Variants in NIN observed in about 807,000 individuals in gnomAD.
NIN encodes glycogen synthase kinase 3 beta-interacting protein.
A neutral mutation model predicts 257.6 loss-of-function variants in NIN; 137 were observed. The ratio of observed to expected loss-of-function variants is 0.53; its 90% confidence interval spans 0.46 to 0.61. The LOEUF (loss-of-function observed/expected upper bound fraction) is 0.61. NIN is among the 20% of genes least tolerant of loss of function. NIN has a pLI of 0.00. For synonymous variants in NIN, 918 were observed against 919.8 expected (o/e 1.00, Z 0.04); for missense variants, 2,439 against 2,501.2 (o/e 0.98, Z 0.53).
chr14:50,739,965 C>CT (rs1287870175), intron 25 of NIN, among the ~76,000 whole-genome samples: 1 of 152,164 alleles, frequency 6.6e-6, no homozygotes, highest in Non-Finnish European at 1.5e-5. Flanking sequence ...CAATCATATC[C>CT]TTTTTTTAGA....
At chr14:50,808,328 C>T (rs934511237) in intron 3 of NIN, among the ~76,000 whole-genome samples, 1 of 152,232 alleles carries the variant, frequency 6.6e-6, no homozygotes, top group Non-Finnish European at 1.5e-5. Flanking sequence ...TCCCAACCAG[C>T]CAGTTCACAA....
chr14:50,794,761 TA>T (rs900112232), intron 4 of NIN, among the ~76,000 whole-genome samples: 23,337 of 124,992 alleles, frequency 0.19, 2,036 homozygotes, highest in African/African-American at 0.26. Flanking sequence ...ATTCAGAGGT[TA>T]AAAAAAAAAA....
In NIN at chr14:50,756,930, T is replaced by C. The variant is rs1290404312; in HGVS notation, c.4100A>G (p.Asn1367Ser). Residue 1367 changes from asparagine to serine, a missense_variant, in exon 18 of 31, where the codon AAT becomes AGT. By Grantham distance (46) the Asn-to-Ser change is conservative (BLOSUM62 1). Coordinates refer to ENST00000530997, the MANE Select transcript of NIN (RefSeq NM_020921.4). ...IEPDGNILQL[N>S]QTLEECVPRV... ...GGGCACACACTCTTCCAGTGTCTGA[T>C]TGAGCTGGAGTATATTTCCATCAGG... The C allele has an allele frequency of 4.4e-6, 7 of 1,574,890 alleles. No individual in the cohort carries two copies. The highest frequency in any genetic ancestry group is 1.7e-4 in the Middle Eastern group (1 of 6,014).
intron 2 of NIN, 31 bp from the exon 3 acceptor site, chr14:50,822,108 G>A (rs751292956): frequency 6.6e-7 from 1 of 1,525,072 alleles, no homozygotes; most frequent in East Asian, 2.3e-5. Context: ...AGGACAGGTT[G>A]TGGCAGCCTC....
intron 3 of NIN, 60 bp from the exon 4 acceptor site, chr14:50,806,878 T>C: frequency 1.3e-6 from 1 of 797,010 alleles, no homozygotes; most frequent in Non-Finnish European, 2.0e-6. Context: ...TGCAAACCTA[T>C]CTACAAGGTA....
rs1002694444 is a variant in NIN, at chr14:50,745,044, A to ATCT, written c.5065-680_5065-679insAGA. Among the ~76,000 whole-genome samples the ATCT allele has an allele frequency of 1.1e-4, 16 of 152,296 alleles. No individual in the cohort carries two copies. The South Asian group carries it at 2.7e-3, about 26-fold the overall frequency. ...TGTTCCCTGTACTCTTCCTTTCAGA[A>ATCT]GGTGCCTACGCTGACTGGCCAGTAA... On this transcript the variant is annotated intron_variant, in intron 22 of 30. Coordinates refer to ENST00000530997, the MANE Select transcript of NIN (RefSeq NM_020921.4).
At position 50,750,111 on chromosome 14, in the gene NIN, T is replaced by C. The variant is rs1360426181; in HGVS notation, c.4951-2006A>G. On this transcript the variant is annotated intron_variant, in intron 21 of 30. Transcript: ENST00000530997. ...CATCAGGACACAGGCCCTTTTGACA[T>C]GTCCTTTTTTTTTAAAACATCTTTT... is the stretch of plus-strand genomic sequence containing the variant. 2.0e-5 allele frequency among the ~76,000 whole-genome samples: 3 copies of C among 152,096 alleles called. No individual in the cohort carries two copies. The East Asian group carries it at 5.8e-4, about 29-fold the overall frequency.
chr14:50,776,832 G>T, intron 7 of NIN, 117 bp downstream of exon 7: 1 of 949,092 alleles, frequency 1.1e-6, no homozygotes. Flanking sequence ...GACTTCTTAG[G>T]AAAAAAGAAA....
intron 18 of NIN, among the ~76,000 whole-genome samples, chr14:50,755,369 A>C (rs1054953405): frequency 6.6e-6 from 1 of 152,042 alleles, no homozygotes; most frequent in Non-Finnish European, 1.5e-5. Flanking sequence ...TTATATTCTG[A>C]TTTTTAGGAC....
chr14:50,740,095 G>C (rs982645494), intron 25 of NIN, among the ~76,000 whole-genome samples: 4 of 147,768 alleles, frequency 2.7e-5, no homozygotes, highest in Admixed American at 6.8e-5. Context: ...AACACAAATA[G>C]ATAAGCCTCT....
At chr14:50,818,116 G>A (rs1465814123) in intron 3 of NIN, among the ~76,000 whole-genome samples, 1 of 151,792 alleles carries the variant, frequency 6.6e-6, no homozygotes, top group African/African-American at 2.4e-5. Context: ...GAGGTCAGGA[G>A]ATCGAGACCA....
At chr14:50,770,633 G>C in intron 11 of NIN, 71 bp from the exon 12 acceptor site, 1 of 1,546,510 alleles carries the variant, frequency 6.5e-7, no homozygotes, top group Non-Finnish European at 8.8e-7. Context: ...TACCAAAAAT[G>C]GAAACACAGA....
At position 50,739,303 on chromosome 14, in the gene NIN, A is replaced by G. The variant is rs3015485; in HGVS notation, c.5628+5T>C. The G allele has an allele frequency of 1, 1,610,944 of 1,613,168 alleles. 804,394 individuals carry two copies. Among genetic ancestry groups the G allele is most frequent in the East Asian group, 1 (44,874 of 44,874 alleles). ...TATGCCATGATGTGCAGCTTCTCCA[A>G]TTACCTTCTCCCGGGAGTGCGTGAG... On this transcript the variant is annotated splice_donor_5th_base_variant and intron_variant, in intron 26 of 30. Coordinates refer to ENST00000530997, the MANE Select transcript of NIN (RefSeq NM_020921.4).
At chr14:50,736,965 A>G (rs1159306158) in intron 27 of NIN, among the ~76,000 whole-genome samples, 1 of 152,198 alleles carries the variant, frequency 6.6e-6, no homozygotes, top group Non-Finnish European at 1.5e-5. Flanking sequence ...AAATTACAGA[A>G]AGCAAACTGA....
chr14:50,760,533 G>A (rs1392770134), intron 16 of NIN, among the ~76,000 whole-genome samples, 174 bp from the exon 17 acceptor site: 3 of 147,158 alleles, frequency 2.0e-5, no homozygotes, highest in African/African-American at 7.5e-5. Flanking sequence ...AGATACTTAA[G>A]TCAGGCATGG....
intron 17 of NIN, among the ~76,000 whole-genome samples, chr14:50,759,619 G>A (rs1049637098): frequency 6.6e-5 from 10 of 151,992 alleles, no homozygotes; most frequent in African/African-American, 1.7e-4. Context: ...TCAGCCTCCA[G>A]AGTAGCTGGG....
chr14:50,744,166 T>G, intron 23 of NIN, 77 bp downstream of exon 23: 1 of 1,508,560 alleles, frequency 6.6e-7, no homozygotes, highest in South Asian at 1.2e-5. Context: ...GAGGCCCCTG[T>G]GCCACTGTCC....
chr14:50,728,217 G>A lies in NIN; in HGVS notation c.6078+1306C>T, dbSNP rs77129850. Among the ~76,000 whole-genome samples the A allele has an allele frequency of 8.0e-3, 1,216 of 152,140 alleles. 18 individuals carry two copies. The highest frequency in any genetic ancestry group is 0.027 in the African/African-American group (1,129 of 41,486). ...ATCTTGGCGGATCATTTGGTTAGAAGGTCCACTAAAAACTGAGATCAAAGT... is the reference window on the plus strand; with the variant it reads ...ATCTTGGCGGATCATTTGGTTAGAAAGTCCACTAAAAACTGAGATCAAAGT... On this transcript the variant is annotated intron_variant, in intron 29 of 30. Coordinates refer to ENST00000530997, the MANE Select transcript of NIN (RefSeq NM_020921.4).
Position 50,743,422 on chromosome 14 carries a change from C to T in NIN, c.5295G>A (p.Gln1765=). The change falls in exon 24 of 31, where the codon CAG becomes CAA. Residue 1765 remains glutamine (Q), a synonymous_variant. Coordinates refer to ENST00000530997, the MANE Select transcript of NIN (RefSeq NM_020921.4). ...ASLKSQLVAS[Q]EKVQNLEDTV... ...ACAAGAATTGTCCATGTACCTTTTCCTGAGAAGCCACCAGCTGTGACTTTA... is the reference window on the plus strand; with the variant it reads ...ACAAGAATTGTCCATGTACCTTTTCTTGAGAAGCCACCAGCTGTGACTTTA... 2 of 1,604,494 alleles carry T rather than the reference C, an allele frequency of 1.2e-6. No homozygotes were observed. Among genetic ancestry groups the T allele is most frequent in the Non-Finnish European group, 1.7e-6 (2 of 1,171,288 alleles).
Sources: gnomAD v4.1 joint callset for allele counts (sites outside exome capture counted in the v4.1 genomes callset) on GRCh38, gnomAD v4.1.1 for gene constraint, MANE v1.5 for transcripts, NCBI Gene and HGNC (gene_info 2026-07-23, HGNC 2026-07-21) for gene names.